The following WNK1 variants were observed in gnomAD, a reference collection of about 807,000 sequenced individuals.
WNK1 encodes the protein serine/threonine-protein kinase WNK1.
In WNK1, 38 loss-of-function variants were observed where a neutral mutation model predicts 222.8. That is an observed-to-expected ratio of 0.17 (90% CI 0.13 to 0.22). The LOEUF (loss-of-function observed/expected upper bound fraction) is 0.22, where lower values mean the gene tolerates loss of function less well. Ranked by LOEUF, WNK1 falls within the 10% of genes least tolerant of loss-of-function variation. The pLI is 1.00. For missense variants in WNK1, 2,348 were observed against 2,918.4 expected, an observed-to-expected ratio of 0.80 and a Z score of 4.50; for synonymous variants, 1,090 against 1,092.9, an observed-to-expected ratio of 1.00 and a Z score of 0.05.
At chr12:865,417 C>A (rs1213009346) in intron 8 of WNK1, 2 of 1,492,782 alleles carry the variant, frequency 1.3e-6, no homozygotes, top group East Asian at 2.5e-5. Flanking sequence ...ATGAATACAT[C>A]CAGGCAACAA....
chr12:789,670 A>T (rs1370246918), intron 1 of WNK1, among the ~76,000 whole-genome samples: 1 of 151,498 alleles, frequency 6.6e-6, no homozygotes, highest in Non-Finnish European at 1.5e-5. Flanking sequence ...CTACAGGTGT[A>T]TGCCACCAAA....
At chr12:880,237 A>G (rs1953022856) in intron 11 of WNK1, among the ~76,000 whole-genome samples, 1 of 152,230 alleles carries the variant, frequency 6.6e-6, no homozygotes, top group African/African-American at 2.4e-5. Context: ...CTTCAGAGAA[A>G]AATGGTTCTC....
At chr12:887,549 T>C (rs1185575529) in intron 20 of WNK1, among the ~76,000 whole-genome samples, 3 of 152,190 alleles carry the variant, frequency 2.0e-5, no homozygotes, top group Admixed American at 2.0e-4. Flanking sequence ...TTATATCTTA[T>C]GAAGGAAGAA....
chr12:902,382 A>G (rs970003505), intron 26 of WNK1, among the ~76,000 whole-genome samples: 2 of 151,936 alleles, frequency 1.3e-5, no homozygotes, highest in Non-Finnish European at 2.9e-5. Flanking sequence ...ATTATGTACC[A>G]TTTTTTTCCA....
intron 1 of WNK1, among the ~76,000 whole-genome samples, chr12:772,324 A>G (rs1484719344): frequency 1.3e-5 from 2 of 152,178 alleles, no homozygotes; most frequent in African/African-American, 4.8e-5. Flanking sequence ...ACCACATAGC[A>G]AAAGCATTTT....
rs532766886 is a variant in WNK1, at chr12:768,824, T to C, written c.759+14500T>C. 9.5e-4 allele frequency among the ~76,000 whole-genome samples: 145 copies of C among 152,294 alleles called. 2 individuals carry two copies. Among genetic ancestry groups the C allele is most frequent in the South Asian group, 7.7e-3 (37 of 4,828 alleles). ...TAATGGATGAAGTTTTTTTGTTTTTTTTTTGAGACGGAGTCTTGCTCTGTC... is the reference window on the plus strand; with the variant it reads ...TAATGGATGAAGTTTTTTTGTTTTTCTTTTGAGACGGAGTCTTGCTCTGTC... On this transcript the variant is annotated intron_variant, in intron 1 of 27. Transcript: ENST00000315939.
chr12:853,390 A>T (rs1013189734), intron 4 of WNK1, among the ~76,000 whole-genome samples: 2 of 152,190 alleles, frequency 1.3e-5, no homozygotes, highest in African/African-American at 4.8e-5. Flanking sequence ...TCAAGGATGA[A>T]AGCAGGTTCA....
At chr12:775,424 G>A (rs1248043065) in intron 1 of WNK1, among the ~76,000 whole-genome samples, 1 of 152,146 alleles carries the variant, frequency 6.6e-6, no homozygotes, top group Non-Finnish European at 1.5e-5. Context: ...AGGGCCTAAC[G>A]TAAAGTTTGA....
chr12:843,833 A>G (rs1949810073), intron 4 of WNK1, among the ~76,000 whole-genome samples: 1 of 152,256 alleles, frequency 6.6e-6, no homozygotes, highest in Admixed American at 6.5e-5. Context: ...TGCATTTTAC[A>G]TAGTCCAAGG....
chr12:830,285 TG>T (rs368635315), intron 4 of WNK1, 125 bp downstream of exon 4: 160 of 1,101,804 alleles, frequency 1.5e-4, no homozygotes, highest in Non-Finnish European at 2.0e-4. Flanking sequence ...CTGTTGGGGT[TG>T]GGGGGGTGGT....
At chr12:809,355 T>C (rs1349732056) in intron 1 of WNK1, among the ~76,000 whole-genome samples, 2 of 149,488 alleles carry the variant, frequency 1.3e-5, no homozygotes, top group Non-Finnish European at 3.0e-5. Flanking sequence ...CTCCCCCCCA[T>C]AATTATGATA....
At chr12:900,444 A>G (rs775953495) in intron 25 of WNK1, 32 bp from the exon 26 acceptor site, 20 of 1,613,086 alleles carry the variant, frequency 1.2e-5, no homozygotes, top group Non-Finnish European at 1.6e-5. Flanking sequence ...AGAGCTGGAC[A>G]TGTTTCCTCA....
At chr12:892,006 T>C (rs1336921745) in intron 22 of WNK1, among the ~76,000 whole-genome samples, 1 of 151,548 alleles carries the variant, frequency 6.6e-6, no homozygotes, top group Non-Finnish European at 1.5e-5. Context: ...ATCTTATTAC[T>C]ATTATTTCAG....
intron 1 of WNK1, among the ~76,000 whole-genome samples, chr12:813,356 G>A (rs752922256): frequency 6.6e-6 from 1 of 152,312 alleles, no homozygotes; most frequent in Non-Finnish European, 1.5e-5. Flanking sequence ...TTCATTTCCT[G>A]ACATTAAATT....
intron 5 of WNK1, among the ~76,000 whole-genome samples, chr12:858,953 T>C (rs1017801367): frequency 1.3e-5 from 2 of 152,202 alleles, no homozygotes; most frequent in Admixed American, 6.5e-5. Flanking sequence ...ATGTTACAAT[T>C]GTGTTAGCTC....
At chr12:830,289 G>A (rs1412128499) in intron 4 of WNK1, 129 bp downstream of exon 4, 16 of 1,082,136 alleles carry the variant, frequency 1.5e-5, no homozygotes, top group African/African-American at 3.1e-5. Context: ...TGGGGTTGGG[G>A]GGGTGGTGTT....
intron 8 of WNK1, among the ~76,000 whole-genome samples, chr12:869,440 G>C (rs369139095): frequency 6.6e-6 from 1 of 152,064 alleles, no homozygotes; most frequent in Admixed American, 6.5e-5. Context: ...GGTTGACCCA[G>C]CATTATTTAG....
Position 820,466 on chromosome 12 carries a change from GTTTTT to G in WNK1, c.933-6556_933-6552del, listed in dbSNP as rs3072715. Among the ~76,000 whole-genome samples, 5 of 89,162 alleles carry G rather than the reference GTTTTT, an allele frequency of 5.6e-5. No homozygotes were observed. The South Asian group carries it at 1.6e-3, about 28-fold the overall frequency. 58.5% of individuals were successfully genotyped at this position (89,162 alleles called of 152,430 possible). On this transcript the variant is annotated intron_variant, in intron 2 of 27. Coordinates refer to ENST00000315939, the MANE Select transcript of WNK1 (RefSeq NM_018979.4). ...TCTGTGTGTGTGTTCATTCTTTGGG[GTTTTT>G]TTTTTTTTTTTTTTTTTTTAAACAG...
At chr12:831,851 C>T (rs938252604) in intron 4 of WNK1, among the ~76,000 whole-genome samples, 8 of 151,382 alleles carry the variant, frequency 5.3e-5, no homozygotes, top group African/African-American at 1.9e-4. Context: ...GTTTGAGAAC[C>T]ACTGTTCAAA....
Sources: gnomAD v4.1 joint callset for allele counts (sites outside exome capture counted in the v4.1 genomes callset) on GRCh38, gnomAD v4.1.1 for gene constraint, MANE v1.5 for transcripts, NCBI Gene and HGNC (gene_info 2026-07-23, HGNC 2026-07-21) for gene names.